ACER1: variants seen among roughly 807,000 people sequenced by gnomAD.
ACER1 encodes alkaline ceramidase 1.
A neutral mutation model predicts 24.9 loss-of-function variants in ACER1; 28 were observed. That is an observed-to-expected ratio of 1.13 (90% CI 0.83 to 1.54). The LOEUF (loss-of-function observed/expected upper bound fraction) is 1.54, where lower values mean the gene tolerates loss of function less well. Among genes scored for constraint, ACER1 ranks in the 40% most tolerant of loss-of-function variants. ACER1 has a pLI of 0.00. For missense variants in ACER1, 352 were observed against 349.3 expected, an observed-to-expected ratio of 1.01 and a Z score of -0.06; for synonymous variants, 132 against 131.4, an observed-to-expected ratio of 1.00 and a Z score of -0.03.
intron 1 of ACER1, among the ~76,000 whole-genome samples, chr19:6,320,599 C>T (rs888658055): frequency 6.6e-6 from 1 of 152,118 alleles, no homozygotes; most frequent in Admixed American, 6.6e-5. Context: ...AGGTGTGAGC[C>T]GCTGTGCCAT....
the ACER1 span, among the ~76,000 whole-genome samples, chr19:6,355,837 G>A: frequency 4.7e-5 from 7 of 147,492 alleles, 1 homozygote; most frequent in African/African-American, 1.6e-4. Context: ...GCTCCATCCG[G>A]GAGGGAGGTG....
chr19:6,336,635 A>G (rs1199841159), upstream of ACER1, among the ~76,000 whole-genome samples: 1 of 151,934 alleles, frequency 6.6e-6, no homozygotes, highest in Non-Finnish European at 1.5e-5. Flanking sequence ...CCTGGTTAAC[A>G]TGGTGAAACC....
chr19:6,308,435 CAAAAA>C (rs11343156), intron 4 of ACER1, among the ~76,000 whole-genome samples: 5 of 103,888 alleles, frequency 4.8e-5, no homozygotes, highest in Non-Finnish European at 5.9e-5. Context: ...GACTCCGTCT[CAAAAA>C]AAAAAAAAAA....
At chr19:6,354,796 C>T in the ACER1 span, among the ~76,000 whole-genome samples, 4 of 150,492 alleles carry the variant, frequency 2.7e-5, no homozygotes, top group Non-Finnish European at 5.9e-5. Flanking sequence ...CACTCCCTCT[C>T]CCTCTCCCTC....
the ACER1 span, among the ~76,000 whole-genome samples, chr19:6,347,109 A>AAAAAAATATATATATATATATATATATAT: frequency 2.6e-5 from 3 of 113,818 alleles, no homozygotes; most frequent in South Asian, 2.6e-4. Flanking sequence ...AAAAAAAAAA[A>AAAAAAATATATATATATATATATATATAT]ATATATATAT....
At chr19:6,334,752 G>A (rs2091705980), upstream of ACER1, among the ~76,000 whole-genome samples, 1 of 152,008 alleles carries the variant, frequency 6.6e-6, no homozygotes, top group African/African-American at 2.4e-5. Context: ...AGAGCCAACT[G>A]TAACAAAGGA....
rs762156558 is a variant in ACER1, at chr19:6,312,429, C to G, written c.164G>C (p.Arg55Pro). The G allele has an allele frequency of 6.2e-7, 1 of 1,613,942 alleles. No homozygotes were observed. The highest frequency in any genetic ancestry group is 8.5e-7 in the Non-Finnish European group (1 of 1,180,002). ...MLLMHPYAQK[R>P]SRYIYVVWVL... ...CCAGACAACGTAAATGTAGCGGGAG[C>G]GCTTCTGGGCATACGGGTGCATCAG... Residue 55 changes from arginine (R) to proline (P), a missense_variant, in exon 2 of 6, where the codon CGC becomes CCC. Coordinates refer to ENST00000301452, the MANE Select transcript of ACER1 (RefSeq NM_133492.3).
chr19:6,306,967 A>G (rs1054910255), intron 5 of ACER1, 85 bp from the exon 6 acceptor site: 5 of 1,521,646 alleles, frequency 3.3e-6, no homozygotes, highest in Non-Finnish European at 4.4e-6. Flanking sequence ...ATGGCTCTTG[A>G]CCATCCATCC....
Position 6,311,607 on chromosome 19 carries a change from AAGG to A in ACER1, c.350+539_350+541del, listed in dbSNP as rs1044197843. Among the ~76,000 whole-genome samples the A allele has an allele frequency of 1.1e-4, 17 of 149,970 alleles. No individual in the cohort carries two copies. In the East Asian group the frequency reaches 3.0e-3, roughly 27 times the overall value. ...GAAGAAGGAGGAGGCGGAGAAGAAG[AAGG>A]AGAAGGAGAAGGAGGAGGAGGAGAA... On this transcript the variant is annotated intron_variant, in intron 3 of 5. Coordinates refer to ENST00000301452, the MANE Select transcript of ACER1 (RefSeq NM_133492.3).
At chr19:6,314,593 C>T (rs967791888) in intron 1 of ACER1, among the ~76,000 whole-genome samples, 2 of 152,032 alleles carry the variant, frequency 1.3e-5, no homozygotes, top group African/African-American at 4.8e-5. Context: ...TGAGCCGCGA[C>T]AAGTCTCTCA....
At chr19:6,351,080 T>C in the ACER1 span, among the ~76,000 whole-genome samples, 1 of 152,064 alleles carries the variant, frequency 6.6e-6, no homozygotes, top group Non-Finnish European at 1.5e-5. Flanking sequence ...TAAATATGAG[T>C]TATAGGCCGG....
At chr19:6,323,743 T>A (rs1291818004) in intron 1 of ACER1, among the ~76,000 whole-genome samples, 1 of 152,180 alleles carries the variant, frequency 6.6e-6, no homozygotes, top group Non-Finnish European at 1.5e-5. Flanking sequence ...AGGCGTCCAG[T>A]AATTAATTGT....
chr19:6,324,593 A>AC (rs1348513288), intron 1 of ACER1, among the ~76,000 whole-genome samples: 2 of 143,064 alleles, frequency 1.4e-5, no homozygotes, highest in African/African-American at 2.6e-5. Flanking sequence ...CCCCATCTCT[A>AC]CTAAAAAAAA....
intron 1 of ACER1, among the ~76,000 whole-genome samples, chr19:6,328,838 T>A (rs1412443657): frequency 6.6e-6 from 1 of 151,862 alleles, no homozygotes; most frequent in Non-Finnish European, 1.5e-5. Context: ...GGCTAATTTT[T>A]TTTTTTTTGT....
chr19:6,340,399 T>C, the ACER1 span, among the ~76,000 whole-genome samples: 1 of 151,738 alleles, frequency 6.6e-6, no homozygotes, highest in Non-Finnish European at 1.5e-5. Context: ...AAGCTTGACC[T>C]GACTCTGTAT....
At chr19:6,321,647 T>C (rs2091631801) in intron 1 of ACER1, among the ~76,000 whole-genome samples, 2 of 151,812 alleles carry the variant, frequency 1.3e-5, no homozygotes, top group Admixed American at 1.3e-4. Flanking sequence ...CTCACTCTGT[T>C]GCCCAGGCTG....
chr19:6,328,075 C>CAAA (rs368610307), intron 1 of ACER1, among the ~76,000 whole-genome samples: 1 of 124,164 alleles, frequency 8.1e-6, no homozygotes. Flanking sequence ...GACTCCATCT[C>CAAA]AAAAAAAAAA....
the ACER1 span, among the ~76,000 whole-genome samples, chr19:6,339,702 C>G: frequency 6.6e-6 from 1 of 152,090 alleles, no homozygotes. Flanking sequence ...GAGTCTCTCT[C>G]TGTTGCCCAG....
At chr19:6,354,557 T>G in the ACER1 span, among the ~76,000 whole-genome samples, 2 of 152,244 alleles carry the variant, frequency 1.3e-5, no homozygotes, top group Admixed American at 1.3e-4. Flanking sequence ...TTTCATTTTA[T>G]AAGACTTTTG....
Sources: allele counts gnomAD v4.1 joint callset (sites outside exome capture counted in the v4.1 genomes callset), GRCh38; gene constraint gnomAD v4.1.1; transcripts MANE v1.5; gene names NCBI Gene and HGNC (gene_info 2026-07-23, HGNC 2026-07-21).